Variants in PCDH9 observed in about 807,000 individuals in gnomAD.
PCDH9 encodes the protein protocadherin 9.
In PCDH9, 24 loss-of-function variants were observed where a neutral mutation model predicts 70.6. That is an observed-to-expected ratio of 0.34 (90% CI 0.25 to 0.48). The LOEUF is 0.48. Among genes scored for constraint, PCDH9 ranks in the 20% least tolerant of loss-of-function variants. The pLI is 0.99. For missense variants in PCDH9, 1,281 were observed against 1,503.6 expected (o/e 0.85, Z 2.45); for synonymous variants, 562 against 558.5 (o/e 1.01, Z -0.09).
rs2085349020 is a variant in PCDH9, at chr13:67,052,866, C to T, written c.3037-149261G>A. Among the ~76,000 whole-genome samples, 4 of 152,082 alleles carry T rather than the reference C, an allele frequency of 2.6e-5. No homozygotes were observed. In the South Asian group the frequency reaches 6.2e-4, roughly 24 times the overall value. On this transcript the variant is annotated intron_variant, in intron 2 of 4. Coordinates refer to ENST00000377865, the MANE Select transcript of PCDH9 (RefSeq NM_203487.3). ...ATGCTATCTACTAAGATAAGCTACACAGGCAGAGCAGTAGAGTGTCCCATT... is the reference window on the plus strand; with the variant it reads ...ATGCTATCTACTAAGATAAGCTACATAGGCAGAGCAGTAGAGTGTCCCATT...
At chr13:67,094,351 A>G (rs1329880899) in intron 2 of PCDH9, among the ~76,000 whole-genome samples, 2 of 152,210 alleles carry the variant, frequency 1.3e-5, no homozygotes, top group Admixed American at 1.3e-4. Context: ...TTCACCCTCC[A>G]GGCCAGATGT....
intron 3 of PCDH9, among the ~76,000 whole-genome samples, chr13:66,684,590 C>A (rs66712528): frequency 0.32 from 48,665 of 151,912 alleles, 8,525 homozygotes; most frequent in South Asian, 0.42. Flanking sequence ...TCCTTCCTGC[C>A]TTCACATGAA....
chr13:66,788,588 C>T (rs2139313481), intron 3 of PCDH9, among the ~76,000 whole-genome samples: 1 of 151,384 alleles, frequency 6.6e-6, no homozygotes, highest in East Asian at 1.9e-4. Context: ...CTGACTTCCA[C>T]TCTGAATTTC....
At chr13:66,770,756 T>C (rs1204684870) in intron 3 of PCDH9, among the ~76,000 whole-genome samples, 1 of 152,232 alleles carries the variant, frequency 6.6e-6, no homozygotes, top group Non-Finnish European at 1.5e-5. Flanking sequence ...TTTTTCCTGT[T>C]CTGGCAAACT....
intron 4 of PCDH9, among the ~76,000 whole-genome samples, chr13:66,481,070 C>T (rs1958826131): frequency 6.6e-6 from 1 of 151,946 alleles, no homozygotes. Context: ...AACCAAACAC[C>T]TCATGTTCTG....
intron 3 of PCDH9, among the ~76,000 whole-genome samples, chr13:66,840,133 GC>G (rs771872915): frequency 1.5e-4 from 23 of 151,952 alleles, no homozygotes; most frequent in Non-Finnish European, 2.8e-4. Context: ...GCCACTGAGG[GC>G]CCAATATACC....
At chr13:66,666,987 AG>A (rs1206496343) in intron 3 of PCDH9, among the ~76,000 whole-genome samples, 1 of 152,222 alleles carries the variant, frequency 6.6e-6, no homozygotes, top group Non-Finnish European at 1.5e-5. Context: ...GATATAAAGA[AG>A]GAATCTGTAA....
intron 3 of PCDH9, among the ~76,000 whole-genome samples, chr13:66,735,387 T>TG (rs1267663959): frequency 6.6e-6 from 1 of 152,166 alleles, no homozygotes; most frequent in East Asian, 1.9e-4. Context: ...AACTAAAGAT[T>TG]GGGTACACTT....
At chr13:66,398,917 A>G (rs945532005) in intron 4 of PCDH9, among the ~76,000 whole-genome samples, 2 of 152,132 alleles carry the variant, frequency 1.3e-5, no homozygotes. Context: ...GGTAAGGTGG[A>G]CTCAATCCCA....
At chr13:66,975,269 T>C (rs1395627829) in intron 2 of PCDH9, among the ~76,000 whole-genome samples, 1 of 152,004 alleles carries the variant, frequency 6.6e-6, no homozygotes, top group Non-Finnish European at 1.5e-5. Flanking sequence ...TTTGGAGAGA[T>C]CTCAATAAAA....
At chr13:66,632,199 T>G (rs2077580876) in intron 3 of PCDH9, among the ~76,000 whole-genome samples, 1 of 152,178 alleles carries the variant, frequency 6.6e-6, no homozygotes, top group African/African-American at 2.4e-5. Context: ...CCAGCCCACC[T>G]GCTATTTTTA....
chr13:67,218,834 G>A (rs2089663978), intron 2 of PCDH9: 1 of 151,912 alleles, frequency 6.6e-6, no homozygotes, highest in South Asian at 2.1e-4. Flanking sequence ...GACCTTGACT[G>A]TGCTTCTATC....
intron 4 of PCDH9, among the ~76,000 whole-genome samples, chr13:66,345,118 C>A (rs1956193060): frequency 6.6e-6 from 1 of 152,050 alleles, no homozygotes; most frequent in African/African-American, 2.4e-5. Context: ...ATGTATAATT[C>A]GGGTAATGAA....
intron 2 of PCDH9, among the ~76,000 whole-genome samples, chr13:66,930,573 C>T (rs1435267675): frequency 6.6e-6 from 1 of 152,028 alleles, no homozygotes; most frequent in Admixed American, 6.5e-5. Context: ...CATCTGACTA[C>T]ACATATATTG....
chr13:66,364,207 T>C (rs957289613), intron 4 of PCDH9, among the ~76,000 whole-genome samples: 2 of 152,100 alleles, frequency 1.3e-5, no homozygotes, highest in Admixed American at 6.6e-5. Flanking sequence ...TTTTCTCATA[T>C]CCGTTTTACT....
intron 4 of PCDH9, among the ~76,000 whole-genome samples, chr13:66,448,242 AATTTTGT>A (rs1343755659): frequency 6.6e-6 from 1 of 152,182 alleles, no homozygotes; most frequent in Admixed American, 6.5e-5. Context: ...TAATATTGGA[AATTTTGT>A]ATTTTTGATG....
intron 4 of PCDH9, among the ~76,000 whole-genome samples, chr13:66,427,083 A>G (rs1211043472): frequency 1.3e-5 from 2 of 151,630 alleles, no homozygotes; most frequent in Non-Finnish European, 3.0e-5. Flanking sequence ...TGTTTTGAAA[A>G]GACTAATAAA....
chr13:66,710,002 TTC>T (rs1349185852), intron 3 of PCDH9, among the ~76,000 whole-genome samples: 1 of 152,132 alleles, frequency 6.6e-6, no homozygotes, highest in African/African-American at 2.4e-5. Context: ...CAATGGATTT[TTC>T]TGTTTTTAGA....
At chr13:66,532,391 A>G (rs997551018) in intron 4 of PCDH9, among the ~76,000 whole-genome samples, 2 of 152,172 alleles carry the variant, frequency 1.3e-5, no homozygotes, top group African/African-American at 4.8e-5. Flanking sequence ...TAAGGATTGG[A>G]AAACATTTAT....
Sources: gnomAD v4.1 joint callset for allele counts (sites outside exome capture counted in the v4.1 genomes callset) on GRCh38, gnomAD v4.1.1 for gene constraint, MANE v1.5 for transcripts, NCBI Gene and HGNC (gene_info 2026-07-23, HGNC 2026-07-21) for gene names.